RAB6A: variants seen among roughly 807,000 people sequenced by gnomAD.
The protein encoded by RAB6A is ras-related protein Rab-6A.
Under a neutral mutation model 32.3 loss-of-function variants are expected in RAB6A, and 8 were observed. The observed-to-expected ratio is 0.25, with a 90% CI of 0.15 to 0.45. RAB6A has a LOEUF of 0.45. Ranked by LOEUF, RAB6A falls within the 20% of genes least tolerant of loss-of-function variation. The pLI, the probability that RAB6A is intolerant of heterozygous loss-of-function variation, is 1.00. For missense variants in RAB6A, 104 were observed against 249.4 expected (o/e 0.42, Z 3.93); for synonymous variants, 73 against 82.1 (o/e 0.89, Z 0.60).
intron 6 of RAB6A, among the ~76,000 whole-genome samples, chr11:73,690,760 TG>T (rs1477084353): frequency 6.9e-6 from 1 of 144,274 alleles, no homozygotes; most frequent in Admixed American, 7.0e-5. Context: ...TCTGAGCCCA[TG>T]GTTGGGTCCA....
intron 6 of RAB6A, among the ~76,000 whole-genome samples, chr11:73,699,420 C>A (rs1188966440): frequency 1.3e-5 from 2 of 152,084 alleles, no homozygotes; most frequent in African/African-American, 4.8e-5. Flanking sequence ...AGACACTCAA[C>A]CAGAGCTAGG....
chr11:73,687,819 T>C (rs1391322997), intron 6 of RAB6A, among the ~76,000 whole-genome samples: 2 of 151,848 alleles, frequency 1.3e-5, no homozygotes, highest in African/African-American at 2.4e-5. Context: ...ATTTCACCAC[T>C]GCACTCCAGC....
At chr11:73,757,283 A>G (rs911785309) in intron 1 of RAB6A, among the ~76,000 whole-genome samples, 3 of 150,452 alleles carry the variant, frequency 2.0e-5, no homozygotes, top group African/African-American at 7.4e-5. Flanking sequence ...AGCTGGGATT[A>G]CAGGCTCCCA....
intron 2 of RAB6A, among the ~76,000 whole-genome samples, chr11:73,727,781 G>C (rs576478949): frequency 6.6e-6 from 1 of 152,258 alleles, no homozygotes; most frequent in East Asian, 1.9e-4. Context: ...AATAAAAATG[G>C]TTTAATAATC....
At chr11:73,681,084 G>A (rs1404906339) in intron 6 of RAB6A, among the ~76,000 whole-genome samples, 4 of 152,150 alleles carry the variant, frequency 2.6e-5, no homozygotes, top group Non-Finnish European at 4.4e-5. Flanking sequence ...TAAATTAAAT[G>A]CATATGTGCT....
intron 1 of RAB6A, among the ~76,000 whole-genome samples, chr11:73,747,436 A>ACCCCCCCCCC (rs35103580): frequency 7.1e-6 from 1 of 140,330 alleles, no homozygotes; most frequent in Non-Finnish European, 1.5e-5. Flanking sequence ...TGTGATCGGA[A>ACCCCCCCCCC]CCCCCCCCCG....
intron 6 of RAB6A, among the ~76,000 whole-genome samples, chr11:73,694,522 T>C (rs1017906037): frequency 1.1e-4 from 16 of 152,208 alleles, no homozygotes; most frequent in African/African-American, 3.6e-4. Context: ...GAATTTGTTT[T>C]GTAAAATACT....
At chr11:73,744,036 C>A (rs1309710632) in intron 1 of RAB6A, among the ~76,000 whole-genome samples, 1 of 152,016 alleles carries the variant, frequency 6.6e-6, no homozygotes, top group Non-Finnish European at 1.5e-5. Flanking sequence ...AAGACCCTAT[C>A]TCTACAAAAA....
intron 2 of RAB6A, among the ~76,000 whole-genome samples, chr11:73,727,715 A>C (rs1306097272): frequency 6.6e-6 from 1 of 152,218 alleles, no homozygotes; most frequent in African/African-American, 2.4e-5. Flanking sequence ...CAAATGTGGA[A>C]AAATACATAC....
At chr11:73,720,997 A>C in intron 2 of RAB6A, 98 bp from the exon 3 acceptor site, 2 of 889,286 alleles carry the variant, frequency 2.2e-6, no homozygotes, top group South Asian at 2.9e-5. Flanking sequence ...GAAATAATGA[A>C]TAAACAAATC....
chr11:73,704,808 A>G (rs1945808766), intron 6 of RAB6A, among the ~76,000 whole-genome samples: 1 of 151,858 alleles, frequency 6.6e-6, no homozygotes, highest in Non-Finnish European at 1.5e-5. Context: ...CATCCTGGTG[A>G]ACACGGTGAA....
In RAB6A at chr11:73,736,517, C is replaced by T. The variant is rs150690645; in HGVS notation, c.71-5694G>A. Among the ~76,000 whole-genome samples, 19 of 150,710 alleles carry T rather than the reference C, an allele frequency of 1.3e-4. No individual in the cohort carries two copies. In the East Asian group the frequency reaches 3.4e-3, roughly 27 times the overall value. ...GAAAACAAGTACAGTTGGCCAGGCGCGGTGTGGCTCACGCCTGTAATCCCA... is the reference window on the plus strand; with the variant it reads ...GAAAACAAGTACAGTTGGCCAGGCGTGGTGTGGCTCACGCCTGTAATCCCA... On this transcript the variant is annotated intron_variant, in intron 1 of 7. Coordinates refer to ENST00000336083, the MANE Select transcript of RAB6A (RefSeq NM_198896.2).
chr11:73,721,448 C>T (rs537960139), intron 2 of RAB6A, among the ~76,000 whole-genome samples: 1 of 152,126 alleles, frequency 6.6e-6, no homozygotes, highest in Non-Finnish European at 1.5e-5. Flanking sequence ...CTGTACCACA[C>T]AATGATAGCT....
chr11:73,739,282 A>ACATATATATATATATATATATATATAT (rs1289309364), intron 1 of RAB6A, among the ~76,000 whole-genome samples: 1 of 15,332 alleles, frequency 6.5e-5, no homozygotes, highest in African/African-American at 1.4e-4. Flanking sequence ...AAAAAAAAAA[A>ACATATATATATATATATATATATATAT]AAATATATAT....
rs78384325 is a variant in RAB6A, at chr11:73,697,831, G to A, written c.495+9589C>T. On this transcript the variant is annotated intron_variant, in intron 6 of 7. Coordinates refer to ENST00000336083, the MANE Select transcript of RAB6A (RefSeq NM_198896.2). ...CAGGAGGTGATCAACAAATATCTGA[G>A]TTAATTAATGACTGAATAAAACCTG... Among the ~76,000 whole-genome samples, 829 of 152,310 alleles carry A rather than the reference G, an allele frequency of 5.4e-3. 8 individuals are homozygous for A. The highest frequency in any genetic ancestry group is 0.019 in the African/African-American group (787 of 41,550).
chr11:73,739,785 G>A (rs148793062), intron 1 of RAB6A, among the ~76,000 whole-genome samples: 4 of 151,924 alleles, frequency 2.6e-5, no homozygotes, highest in Non-Finnish European at 5.9e-5. Flanking sequence ...GGCCGGGCCC[G>A]GTGGCTCATG....
At chr11:73,727,759 A>T (rs1394250511) in intron 2 of RAB6A, among the ~76,000 whole-genome samples, 1 of 152,200 alleles carries the variant, frequency 6.6e-6, no homozygotes, top group Non-Finnish European at 1.5e-5. Context: ...TACCCTAAAA[A>T]GGTTTCTGAA....
intron 1 of RAB6A, among the ~76,000 whole-genome samples, chr11:73,747,665 T>A (rs924075289): frequency 6.6e-6 from 1 of 152,176 alleles, no homozygotes; most frequent in African/African-American, 2.4e-5. Flanking sequence ...GGATCCCACA[T>A]TGCATTTAGC....
intron 5 of RAB6A, among the ~76,000 whole-genome samples, chr11:73,713,454 G>C (rs1360545432): frequency 6.6e-6 from 1 of 151,976 alleles, no homozygotes; most frequent in Non-Finnish European, 1.5e-5. Flanking sequence ...CCTAGTCCCA[G>C]CTACTCAGGA....
Sources: allele counts gnomAD v4.1 joint callset (sites outside exome capture counted in the v4.1 genomes callset), GRCh38; gene constraint gnomAD v4.1.1; transcripts MANE v1.5; gene names NCBI Gene and HGNC (gene_info 2026-07-23, HGNC 2026-07-21).